TENM3: variants seen among roughly 807,000 people sequenced by gnomAD.
TENM3 encodes teneurin transmembrane protein 3.
In TENM3, 63 loss-of-function variants were observed where a neutral mutation model predicts 255.1. The ratio of observed to expected loss-of-function variants is 0.25; its 90% CI spans 0.20 to 0.30. The LOEUF (loss-of-function observed/expected upper bound fraction) is 0.30, where lower values mean the gene tolerates loss of function less well. TENM3 is among the 10% of genes least tolerant of loss of function. The probability of loss-of-function intolerance (pLI) is 1.00; values close to 1 mark genes in which losing one functional copy is unlikely to be tolerated. For missense variants in TENM3, 2,929 were observed against 3,461.1 expected (o/e 0.85, Z 3.86); for synonymous variants, 1,306 against 1,322.3 (o/e 0.99, Z 0.27).
rs202150547 is a variant in TENM3 at position 182,201,376 on chromosome 4, T to A, written c.-76+56622T>A. 9.9e-5 allele frequency among the ~76,000 whole-genome samples: 15 copies of A among 152,222 alleles called. No homozygotes were observed. The East Asian group carries it at 1.5e-3, about 16-fold the overall frequency. On this transcript the variant is annotated intron_variant, in intron 1 of 2. Transcript: ENST00000512480. ...GGAGCTGAATTAAGCAATCTCAGTG[T>A]TTAAGTTAGTAAAACAGACACATTT...
chr4:182,205,881 T>C (rs1370445160), intron 1 of TENM3, among the ~76,000 whole-genome samples: 1 of 151,992 alleles, frequency 6.6e-6, no homozygotes, highest in Non-Finnish European at 1.5e-5. Flanking sequence ...CGACAGAATA[T>C]GAAAAAATTA....
chr4:181,881,251 G>C, the TENM3 span, among the ~76,000 whole-genome samples: 6 of 152,166 alleles, frequency 3.9e-5, no homozygotes, highest in South Asian at 6.2e-4. Flanking sequence ...TCATTTAGAG[G>C]CAAGTATGAT....
At chr4:182,371,477 A>G (rs1413469050) in intron 3 of TENM3, among the ~76,000 whole-genome samples, 1 of 152,120 alleles carries the variant, frequency 6.6e-6, no homozygotes, top group African/African-American at 2.4e-5. Flanking sequence ...AAGCCTCACC[A>G]TGATGTTTCT....
At chr4:182,514,899 A>G (rs998866915) in intron 3 of TENM3, among the ~76,000 whole-genome samples, 5 of 152,236 alleles carry the variant, frequency 3.3e-5, no homozygotes, top group African/African-American at 9.6e-5. Context: ...AAATTTTTAA[A>G]GCTTACAGAG....
chr4:181,744,279 G>T, the TENM3 span, among the ~76,000 whole-genome samples: 1 of 152,070 alleles, frequency 6.6e-6, no homozygotes, highest in South Asian at 2.1e-4. Flanking sequence ...GTGCGTCAAC[G>T]AACATACCCA....
chr4:181,510,847 C>A, the TENM3 span, among the ~76,000 whole-genome samples: 1 of 152,180 alleles, frequency 6.6e-6, no homozygotes, highest in African/African-American at 2.4e-5. Flanking sequence ...GGAGCTAATG[C>A]TCCATGTTTC....
At chr4:182,156,155 T>G (rs534262720) in intron 1 of TENM3, among the ~76,000 whole-genome samples, 1 of 152,212 alleles carries the variant, frequency 6.6e-6, no homozygotes, top group South Asian at 2.1e-4. Context: ...TCTATTAGTT[T>G]TCGAGTCATT....
chr4:181,783,911 G>T, the TENM3 span, among the ~76,000 whole-genome samples: 1 of 152,096 alleles, frequency 6.6e-6, no homozygotes, highest in African/African-American at 2.4e-5. Flanking sequence ...ATGTTGCCCA[G>T]GCAGGTCTTG....
At chr4:181,637,044 G>A in the TENM3 span, among the ~76,000 whole-genome samples, 3 of 151,950 alleles carry the variant, frequency 2.0e-5, no homozygotes, top group Admixed American at 6.6e-5. Context: ...AGGCTTTCCC[G>A]CTAGATACCC....
Position 182,563,966 on chromosome 4 carries a change from T to C in TENM3, c.512-36958T>C, listed in dbSNP as rs974203786. ...GGTTCATGTTTCAACTACCACCAGA[T>C]CCTTCGCTCCTGCCAATCATTCCTG... On this transcript the variant is annotated intron_variant, in intron 3 of 27. Transcript: ENST00000511685. 1.4e-4 allele frequency among the ~76,000 whole-genome samples: 21 copies of C among 152,204 alleles called. 1 individual carries two copies. Among genetic ancestry groups the C allele is most frequent in the African/African-American group, 5.1e-4 (21 of 41,444 alleles).
chr4:182,658,313 C>T (rs1327943152), intron 6 of TENM3, among the ~76,000 whole-genome samples: 1 of 152,208 alleles, frequency 6.6e-6, no homozygotes, highest in Non-Finnish European at 1.5e-5. Context: ...ACTCACCTCC[C>T]GTCTACCTGA....
At chr4:182,561,999 GATA>G (rs1347674499) in intron 3 of TENM3, among the ~76,000 whole-genome samples, 4 of 151,134 alleles carry the variant, frequency 2.6e-5, no homozygotes, top group Non-Finnish European at 5.9e-5. Context: ...TAGATAGATA[GATA>G]GATAGATAGA....
chr4:181,515,958 A>G, the TENM3 span, among the ~76,000 whole-genome samples: 1 of 152,208 alleles, frequency 6.6e-6, no homozygotes, highest in Non-Finnish European at 1.5e-5. Flanking sequence ...ATGCTCATCA[A>G]TGGTAGATTG....
chr4:181,604,461 G>C, the TENM3 span, among the ~76,000 whole-genome samples: 2 of 151,664 alleles, frequency 1.3e-5, no homozygotes, highest in Admixed American at 6.6e-5. Flanking sequence ...TTCCCAGGGG[G>C]GACATCTCAG....
At chr4:181,919,081 G>C in the TENM3 span, among the ~76,000 whole-genome samples, 1 of 152,272 alleles carries the variant, frequency 6.6e-6, no homozygotes, top group South Asian at 2.1e-4. Context: ...ATTGAAGACT[G>C]ACCCAGTGCG....
the TENM3 span, among the ~76,000 whole-genome samples, chr4:181,940,205 C>T: frequency 1.3e-5 from 2 of 152,238 alleles, no homozygotes; most frequent in East Asian, 3.9e-4. Context: ...TGGTCTGTCC[C>T]TTTAGAATAT....
the TENM3 span, among the ~76,000 whole-genome samples, chr4:181,804,209 A>G: frequency 3.0e-5 from 3 of 100,022 alleles, no homozygotes; most frequent in African/African-American, 6.9e-5. Flanking sequence ...AAGATGGCCA[A>G]GCCTTTGTTT....
the TENM3 span, among the ~76,000 whole-genome samples, chr4:182,094,634 T>A: frequency 6.6e-6 from 1 of 152,196 alleles, no homozygotes; most frequent in Non-Finnish European, 1.5e-5. Context: ...CATACAATGT[T>A]ATGATAAGAT....
At chr4:182,622,341 C>CT (rs1750367199) in intron 4 of TENM3, among the ~76,000 whole-genome samples, 2 of 152,070 alleles carry the variant, frequency 1.3e-5, no homozygotes, top group South Asian at 4.2e-4. Context: ...GAGCAAAACT[C>CT]TATCGCAAAA....
Sources: allele counts gnomAD v4.1 joint callset (sites outside exome capture counted in the v4.1 genomes callset), GRCh38; gene constraint gnomAD v4.1.1; transcripts MANE v1.5; gene names NCBI Gene and HGNC (gene_info 2026-07-23, HGNC 2026-07-21).